The following OTOP1 variants were observed in gnomAD, a reference collection of about 807,000 sequenced individuals.
OTOP1 encodes the protein proton channel OTOP1.
OTOP1 carries 59 observed loss-of-function variants against 52.9 expected under a neutral mutation model. The ratio of observed to expected loss-of-function variants is 1.12; its 90% confidence interval spans 0.91 to 1.39. The LOEUF (loss-of-function observed/expected upper bound fraction) is 1.39. OTOP1 is among the 40% of genes most tolerant of loss of function. OTOP1 has a pLI of 0.00. For missense variants in OTOP1, 761 were observed against 800.9 expected (o/e 0.95, Z 0.60); for synonymous variants, 317 against 337.7 (o/e 0.94, Z 0.67).
intron 1 of OTOP1, among the ~76,000 whole-genome samples, chr4:4,224,989 G>A (rs1454759905): frequency 2.6e-5 from 4 of 152,232 alleles, no homozygotes; most frequent in Non-Finnish European, 5.9e-5. Flanking sequence ...TCCAGTTTGA[G>A]ATCCCCATTC....
At position 4,221,908 on chromosome 4, in the gene OTOP1, G is replaced by A. The variant is rs555789338; in HGVS notation, c.403+4554C>T. On this transcript the variant is annotated intron_variant, in intron 1 of 5. Coordinates refer to ENST00000296358, the MANE Select transcript of OTOP1 (RefSeq NM_177998.3). ...TGGGACTACAGGTGTGAGCCACCAC[G>A]CCTGGCCTGGTGCTTACTTTAGAAT... 5.4e-4 allele frequency among the ~76,000 whole-genome samples: 82 copies of A among 152,212 alleles called. No individual in the cohort carries two copies. The South Asian group carries it at 0.012, about 22-fold the overall frequency.
At chr4:4,221,043 C>CTATTTTATTTTATTT (rs144687423) in intron 1 of OTOP1, among the ~76,000 whole-genome samples, 1,337 of 129,468 alleles carry the variant, frequency 0.01, 14 homozygotes, top group East Asian at 0.025. Flanking sequence ...TTATTTTATT[C>CTATTTTATTTTATTT]TATTTTATTT....
intron 1 of OTOP1, among the ~76,000 whole-genome samples, chr4:4,224,339 T>G (rs1167711581): frequency 6.1e-5 from 8 of 130,244 alleles, no homozygotes; most frequent in Non-Finnish European, 1.2e-4. Context: ...AGGGCAAGAC[T>G]CCATCTCAAA....
At chr4:4,224,435 A>T (rs1425894308) in intron 1 of OTOP1, among the ~76,000 whole-genome samples, 1 of 151,470 alleles carries the variant, frequency 6.6e-6, no homozygotes, top group African/African-American at 2.4e-5. Context: ...AAGGAGAAGG[A>T]GGGAAGGAAG....
At chr4:4,223,168 T>C (rs565666763) in intron 1 of OTOP1, among the ~76,000 whole-genome samples, 1 of 152,340 alleles carries the variant, frequency 6.6e-6, no homozygotes, top group Admixed American at 6.5e-5. Context: ...CTCTCTACCT[T>C]GCCCATTTAT....
Position 4,197,538 on chromosome 4 carries a change from C to G in OTOP1, c.1296G>C (p.Ala432=), listed in dbSNP as rs752025671. ...GGTTCTGGATGTACTTCTCCACGAT[C>G]GCCAGGATGGAGTAGGGCAGGTTGT... ...TWYNLPYSIL[A]IVEKYIQNLF... is the part of the protein sequence containing the mutation. The change falls in exon 5 of 6, where the codon GCG becomes GCC. Residue 432 remains alanine, a synonymous_variant. Transcript: ENST00000296358. 1.7e-5 allele frequency: 28 copies of G among 1,613,892 alleles called. No individual in the cohort carries two copies. In the East Asian group the frequency reaches 4.7e-4, roughly 27 times the overall value.
chr4:4,201,954 G>A (rs906249939), intron 4 of OTOP1, among the ~76,000 whole-genome samples: 9 of 152,102 alleles, frequency 5.9e-5, no homozygotes, highest in African/African-American at 1.9e-4. Flanking sequence ...GAACAAGGTG[G>A]AACAGACATG....
At chr4:4,223,951 G>T (rs1177779849) in intron 1 of OTOP1, among the ~76,000 whole-genome samples, 1 of 151,566 alleles carries the variant, frequency 6.6e-6, no homozygotes, top group East Asian at 1.9e-4. Flanking sequence ...AAGAGAAAGA[G>T]AGGAGAGAGA....
intron 2 of OTOP1, among the ~76,000 whole-genome samples, chr4:4,207,663 T>A (rs1716936517): frequency 6.6e-6 from 1 of 152,164 alleles, no homozygotes; most frequent in Non-Finnish European, 1.5e-5. Context: ...TCCACCCATG[T>A]TCATAGCAGC....
intron 5 of OTOP1, among the ~76,000 whole-genome samples, chr4:4,194,249 G>T (rs556729790): frequency 4.6e-5 from 7 of 152,342 alleles, no homozygotes; most frequent in African/African-American, 7.2e-5. Context: ...GCTTGAGGAA[G>T]ATTCTAGAAC....
chr4:4,189,747 A>G (rs1390341234), intron 5 of OTOP1, among the ~76,000 whole-genome samples: 1 of 152,228 alleles, frequency 6.6e-6, no homozygotes, highest in African/African-American at 2.4e-5. Flanking sequence ...GAAGCACCCT[A>G]TGCGGCAAGG....
In OTOP1 at chr4:4,202,543, A is replaced by G. The variant is rs536797077; in HGVS notation, c.635T>C (p.Leu212Pro). 1.9e-6 allele frequency: 3 copies of G among 1,614,100 alleles called. No individual in the cohort carries two copies. In the South Asian group the frequency reaches 3.3e-5, roughly 18 times the overall value. ...GVIHSVFTNL[L>P]LWANGVLNES... ...ATTGAGGACGCCATTGGCCCACAGA[A>G]GCAGGTTGGTGAACACCGAGTGGAT... Residue 212 changes from leucine to proline, a missense_variant, in exon 4 of 6, where the codon CTT (leucine) becomes CCT (proline). Around this residue, in one of 3 missense-constraint regions of OTOP1, gnomAD observed 632 missense variants for 619.5 expected, o/e 1.02. Transcript: ENST00000296358.
intron 2 of OTOP1, among the ~76,000 whole-genome samples, chr4:4,208,720 A>G (rs1716962484): frequency 6.6e-6 from 1 of 152,140 alleles, no homozygotes; most frequent in Admixed American, 6.5e-5. Context: ...AATGTACTTA[A>G]CATTACTGAA....
Position 4,197,374 on chromosome 4 carries a change from T to C in OTOP1, c.1460A>G (p.Asp487Gly), listed in dbSNP as rs1241230418. The C allele has an allele frequency of 2.5e-6, 4 of 1,614,034 alleles. No individual in the cohort carries two copies. The highest frequency in any genetic ancestry group is 1.6e-4 in the Middle Eastern group (1 of 6,062). Reference protein sequence around the residue: ...SCPKSGGVARDVAPQGKDMPP... With the variant: ...SCPKSGGVARGVAPQGKDMPP... ...CATGTCCTTGCCCTGGGGAGCCACATCTCTGGCCACACCTCCACTCTTGGG... is the reference window on the plus strand; with the variant it reads ...CATGTCCTTGCCCTGGGGAGCCACACCTCTGGCCACACCTCCACTCTTGGG... The change falls in exon 5 of 6, where the codon GAT becomes GGT. Residue 487 changes from aspartate (D) to glycine (G), a missense_variant. This residue lies in a region of OTOP1 where 632 missense variants were observed against 619.5 expected (regional missense o/e 1.02). Transcript: ENST00000296358.
Position 4,223,867 on chromosome 4 carries a change from G to A in OTOP1, c.403+2595C>T, listed in dbSNP as rs577558531. On this transcript the variant is annotated intron_variant, in intron 1 of 5. Coordinates refer to ENST00000296358, the MANE Select transcript of OTOP1 (RefSeq NM_177998.3). ...GCAGTGACCCATGACTCCAGCCTTGGCAACAGAGTGAGATTCCATCTCAAA... is the reference window on the plus strand; with the variant it reads ...GCAGTGACCCATGACTCCAGCCTTGACAACAGAGTGAGATTCCATCTCAAA... 6.0e-5 allele frequency among the ~76,000 whole-genome samples: 9 copies of A among 150,168 alleles called. No homozygotes were observed. In the East Asian group the frequency reaches 1.6e-3, roughly 26 times the overall value.
Position 4,212,761 on chromosome 4 carries a change from G to T in OTOP1, c.540+107C>A, listed in dbSNP as rs555053028. The T allele has an allele frequency of 4.7e-5, 61 of 1,289,814 alleles. No individual in the cohort carries two copies. The African/African-American group carries it at 7.2e-4, about 15-fold the overall frequency. 79.9% of individuals were successfully genotyped at this position (1,289,814 alleles called of 1,614,324 possible). On this transcript the variant is annotated intron_variant, in intron 2 of 5. Coordinates refer to ENST00000296358, the MANE Select transcript of OTOP1 (RefSeq NM_177998.3). ...TTTCAGTTCACTGCAGTTCACAGCT[G>T]TGCACACTGTCTCCACCTGCCACAC...
intron 2 of OTOP1, among the ~76,000 whole-genome samples, chr4:4,210,856 G>A (rs192795339): frequency 6.6e-6 from 1 of 152,010 alleles, no homozygotes; most frequent in Admixed American, 6.6e-5. Context: ...AAGACACCAG[G>A]CATATTGAAT....
intron 5 of OTOP1, 47 bp from the exon 6 acceptor site, chr4:4,189,020 C>A: frequency 1.3e-6 from 2 of 1,573,558 alleles, no homozygotes; most frequent in Non-Finnish European, 8.7e-7. Flanking sequence ...AGCTTCCAAG[C>A]CACCACGGAG....
intron 4 of OTOP1, among the ~76,000 whole-genome samples, chr4:4,201,816 C>A (rs1467307512): frequency 2.0e-5 from 3 of 152,264 alleles, no homozygotes; most frequent in Non-Finnish European, 2.9e-5. Context: ...GGGAACAAAC[C>A]TGAGACACCC....
Sources: allele counts gnomAD v4.1 joint callset (sites outside exome capture counted in the v4.1 genomes callset), GRCh38; gene constraint gnomAD v4.1.1; regional missense constraint gnomAD v4.1.1; transcripts MANE v1.5; gene names NCBI Gene and HGNC (gene_info 2026-07-23, HGNC 2026-07-21).